The following GALNT13 variants were observed in gnomAD, a reference collection of about 807,000 sequenced individuals.
GALNT13 encodes the protein polypeptide N-acetylgalactosaminyltransferase 13.
GALNT13 carries 28 observed loss-of-function variants against 64.2 expected under a neutral mutation model. The observed-to-expected ratio is 0.44, with a 90% CI of 0.32 to 0.60. The LOEUF (loss-of-function observed/expected upper bound fraction) is 0.60, where lower values mean the gene tolerates loss of function less well. Ranked by LOEUF, GALNT13 falls within the 20% of genes least tolerant of loss-of-function variation. The pLI, the probability that GALNT13 is intolerant of heterozygous loss-of-function variation, is 0.05. For missense variants in GALNT13, 577 were observed against 669.8 expected, an observed-to-expected ratio of 0.86 and a Z score of 1.53; for synonymous variants, 214 against 224.6, an observed-to-expected ratio of 0.95 and a Z score of 0.42.
the GALNT13 span, among the ~76,000 whole-genome samples, chr2:153,528,127 A>G: frequency 6.6e-6 from 1 of 151,910 alleles, no homozygotes; most frequent in African/African-American, 2.4e-5. Context: ...CAAAAGATAT[A>G]GAATGGTTGA....
the GALNT13 span, among the ~76,000 whole-genome samples, chr2:153,127,974 G>C: frequency 6.6e-6 from 1 of 152,138 alleles, no homozygotes; most frequent in Admixed American, 6.6e-5. Flanking sequence ...TAAGAGTTAA[G>C]TATGCATATT....
rs1699025213 is a variant in GALNT13, at chr2:154,042,334, C to T, written c.142+97695C>T. On this transcript the variant is annotated intron_variant, in intron 3 of 12. Coordinates refer to ENST00000392825, the MANE Select transcript of GALNT13 (RefSeq NM_052917.4). The stretch of plus-strand genomic sequence containing the variant: ...GCTAAGTACCTCATTATGTGCTGCT[C>T]ATAATTTTAAATACTGTACTGAGGA... Among the ~76,000 whole-genome samples, 2 of 139,870 alleles carry T rather than the reference C, an allele frequency of 1.4e-5. 1 individual carries two copies. Among genetic ancestry groups the T allele is most frequent in the Admixed American group, 1.4e-4 (2 of 13,968 alleles). The allele number at this position is 139,870 out of a possible 152,430, so 91.8% of individuals were successfully genotyped here.
rs146788793 is a variant in GALNT13 at position 154,202,997 on chromosome 2, C to T, written c.312-39033C>T. ...ATTTTATGAAATGGGGCCTGGAAGC[C>T]GTTAATCTAGATTTTATACACCTGC... On this transcript the variant is annotated intron_variant, in intron 4 of 12. Transcript: ENST00000392825. Among the ~76,000 whole-genome samples, 139 of 152,110 alleles carry T rather than the reference C, an allele frequency of 9.1e-4. 4 individuals are homozygous for T. The East Asian group carries it at 0.02, about 22-fold the overall frequency.
At chr2:153,679,694 T>A in the GALNT13 span, among the ~76,000 whole-genome samples, 2 of 151,888 alleles carry the variant, frequency 1.3e-5, no homozygotes, top group African/African-American at 4.8e-5. Flanking sequence ...TCCACCTTTT[T>A]AAAAACTGCC....
the GALNT13 span, among the ~76,000 whole-genome samples, chr2:153,129,124 G>T: frequency 1.3e-5 from 2 of 152,146 alleles, no homozygotes; most frequent in African/African-American, 4.8e-5. Flanking sequence ...ACACTGTTTA[G>T]CCTGCATAGT....
At chr2:153,848,336 A>G in the GALNT13 span, among the ~76,000 whole-genome samples, 1 of 152,218 alleles carries the variant, frequency 6.6e-6, no homozygotes, top group African/African-American at 2.4e-5. Context: ...ATAGCATGGT[A>G]AAAGGGATAC....
the GALNT13 span, among the ~76,000 whole-genome samples, chr2:153,628,907 T>C: frequency 2.0e-5 from 3 of 152,164 alleles, no homozygotes; most frequent in Non-Finnish European, 2.9e-5. Flanking sequence ...AATGGAATAG[T>C]TTCAGAATGA....
chr2:154,389,546 C>G (rs760903643), intron 9 of GALNT13, among the ~76,000 whole-genome samples: 34 of 152,148 alleles, frequency 2.2e-4, no homozygotes, highest in Admixed American at 4.6e-4. Flanking sequence ...ATTCTTTCTT[C>G]AGGTACTTTG....
rs1574009516 is a variant in GALNT13, at chr2:153,872,031, C to T, written c.-449C>T. 6.6e-6 allele frequency: 1 copy of T among 152,276 alleles called. No homozygotes were observed. The highest frequency in any genetic ancestry group is 2.1e-4 in the South Asian group (1 of 4,840). The allele number at this position is 152,276 out of a possible 1,614,324, so 9.4% of individuals were successfully genotyped here. A position where few individuals can be genotyped will look rare whatever the true frequency, so the allele number is the denominator to read the frequency against. ...CTCTGGCCGCGCTCGAGGAGCCCTT[C>T]AGCCCGCCGCTGCGCTATGAAGGCC... On this transcript the variant is annotated 5_prime_UTR_variant, in exon 1 of 13. Coordinates refer to ENST00000392825, the MANE Select transcript of GALNT13 (RefSeq NM_052917.4).
intron 4 of GALNT13, among the ~76,000 whole-genome samples, chr2:154,143,975 A>C (rs1322804108): frequency 6.6e-6 from 1 of 151,910 alleles, no homozygotes; most frequent in East Asian, 1.9e-4. Context: ...TAAACTGTGG[A>C]GCAATCCAAC....
intron 4 of GALNT13, among the ~76,000 whole-genome samples, chr2:154,187,019 T>C (rs997177757): frequency 2.0e-5 from 3 of 151,904 alleles, no homozygotes; most frequent in Non-Finnish European, 4.4e-5. Flanking sequence ...GAAAATAAAA[T>C]AGTATCAAAG....
At chr2:153,848,782 G>A in the GALNT13 span, among the ~76,000 whole-genome samples, 3 of 151,784 alleles carry the variant, frequency 2.0e-5, no homozygotes, top group Non-Finnish European at 2.9e-5. Flanking sequence ...AAGCATTTAT[G>A]GCAAATTAAA....
upstream of GALNT13, among the ~76,000 whole-genome samples, chr2:153,871,002 CT>C (rs1407403999): frequency 6.6e-6 from 1 of 152,134 alleles, no homozygotes; most frequent in Non-Finnish European, 1.5e-5. Context: ...AAAAGTTCCT[CT>C]CCCATGGCAG....
intron 3 of GALNT13, among the ~76,000 whole-genome samples, chr2:154,011,363 T>G (rs72868411): frequency 0.13 from 20,173 of 152,214 alleles, 1,571 homozygotes; most frequent in African/African-American, 0.21. Context: ...ACAGGTTGTT[T>G]AATTTTCATG....
intron 9 of GALNT13, among the ~76,000 whole-genome samples, chr2:154,339,474 A>G (rs958390960): frequency 6.6e-6 from 1 of 152,088 alleles, no homozygotes; most frequent in Non-Finnish European, 1.5e-5. Context: ...GTTAATAAGA[A>G]CTGTGTTGGC....
At chr2:154,303,330 A>C (rs2105101843) in intron 9 of GALNT13, among the ~76,000 whole-genome samples, 1 of 152,134 alleles carries the variant, frequency 6.6e-6, no homozygotes, top group South Asian at 2.1e-4. Flanking sequence ...TGCGCCCTTT[A>C]CATAGAGTGC....
chr2:153,099,029 G>C, the GALNT13 span, among the ~76,000 whole-genome samples: 1 of 152,128 alleles, frequency 6.6e-6, no homozygotes, highest in African/African-American at 2.4e-5. Flanking sequence ...GCTGAGGCAA[G>C]GGAATCGCTT....
At chr2:153,943,359 G>A (rs912273510) in intron 2 of GALNT13, among the ~76,000 whole-genome samples, 2 of 152,108 alleles carry the variant, frequency 1.3e-5, no homozygotes, top group Non-Finnish European at 2.9e-5. Context: ...ATTTATTGTA[G>A]ATACTTTCTC....
At chr2:153,208,373 T>C in the GALNT13 span, among the ~76,000 whole-genome samples, 1 of 152,214 alleles carries the variant, frequency 6.6e-6, no homozygotes, top group East Asian at 1.9e-4. Flanking sequence ...TTCCAGAAAG[T>C]CATTTATATA....
Sources: gnomAD v4.1 joint callset for allele counts (sites outside exome capture counted in the v4.1 genomes callset) on GRCh38, gnomAD v4.1.1 for gene constraint, MANE v1.5 for transcripts, NCBI Gene and HGNC (gene_info 2026-07-23, HGNC 2026-07-21) for gene names.